Variants in ADAMTS5 observed in about 807,000 individuals in gnomAD.
ADAMTS5 encodes A disintegrin and metalloproteinase with thrombospondin motifs 5.
Under a neutral mutation model 81.4 loss-of-function variants are expected in ADAMTS5, and 54 were observed. The observed-to-expected ratio is 0.66, with a 90% CI of 0.53 to 0.83. ADAMTS5 has a LOEUF of 0.83. Among genes scored for constraint, ADAMTS5 ranks in the 40% least tolerant of loss-of-function variants. The pLI is 0.00. For missense variants in ADAMTS5, 1,194 were observed against 1,229.9 expected (o/e 0.97, Z 0.44); for synonymous variants, 532 against 508.8 (o/e 1.05, Z -0.61).
In ADAMTS5 at chr21:26,934,771, A is replaced by C; in HGVS notation, c.1406-22T>G. 4 of 1,609,466 alleles carry C rather than the reference A, an allele frequency of 2.5e-6. No individual in the cohort carries two copies. The South Asian group carries it at 4.4e-5, about 18-fold the overall frequency. ...TTACCTACAAGAATAACTGAGATTGACCACGGCTCTGTGTTTAGGTTTCAA... is the reference window on the plus strand; with the variant it reads ...TTACCTACAAGAATAACTGAGATTGCCCACGGCTCTGTGTTTAGGTTTCAA... On this transcript the variant is annotated intron_variant, in intron 3 of 7. Transcript: ENST00000284987.
In ADAMTS5 at chr21:26,930,143, G is replaced by C. The variant is rs1423582270; in HGVS notation, c.2050-82C>G. ...TTGGTCAACTAGTAAGTTCTCATTTGTGATTTTTTGAGTTTGATTGGTATG... is the reference window on the plus strand; with the variant it reads ...TTGGTCAACTAGTAAGTTCTCATTTCTGATTTTTTGAGTTTGATTGGTATG... On this transcript the variant is annotated intron_variant, in intron 6 of 7. Transcript: ENST00000284987. 2.1e-6 allele frequency: 3 copies of C among 1,408,186 alleles called. No individual in the cohort carries two copies. The East Asian group carries it at 7.0e-5, about 33-fold the overall frequency. 87.2% of individuals were successfully genotyped at this position (1,408,186 alleles called of 1,614,324 possible).
chr21:26,936,842 C>G (rs187642534), intron 3 of ADAMTS5, among the ~76,000 whole-genome samples: 1 of 152,078 alleles, frequency 6.6e-6, no homozygotes, highest in African/African-American at 2.4e-5. Flanking sequence ...CAGAACTCCA[C>G]GAAAAACATT....
In ADAMTS5 at chr21:26,943,482, C is replaced by A; in HGVS notation, c.1303G>T (p.Asp435Tyr). The change falls in exon 3 of 8, where the codon GAT becomes TAT. Residue 435 changes from aspartate to tyrosine, a missense_variant. Asp to Tyr is a radical substitution (Grantham distance 160). This residue lies in a region of ADAMTS5 where 696 missense variants were observed against 817.6 expected (regional missense o/e 0.85). Transcript: ENST00000284987. ...AGGATGGAAGACATTAAGCGCTTAT[C>A]TTCTGTGGAACCAAAGGTCTCTTCA... ...FCEETFGSTE[D>Y]KRLMSSILTS... The A allele has an allele frequency of 6.2e-7, 1 of 1,613,750 alleles. No individual in the cohort carries two copies. Among genetic ancestry groups the A allele is most frequent in the Non-Finnish European group, 8.5e-7 (1 of 1,179,776 alleles).
intron 1 of ADAMTS5, among the ~76,000 whole-genome samples, chr21:26,958,362 TAC>T (rs370868688): frequency 6.6e-6 from 1 of 151,492 alleles, no homozygotes; most frequent in Non-Finnish European, 1.5e-5. Flanking sequence ...GAAGAGCACA[TAC>T]ACACACACAC....
At chr21:26,926,280 T>C (rs939073879) in intron 7 of ADAMTS5, among the ~76,000 whole-genome samples, 1 of 152,172 alleles carries the variant, frequency 6.6e-6, no homozygotes, top group Non-Finnish European at 1.5e-5. Context: ...TAGTTGGAGA[T>C]AAATATAACA....
rs1463671094 is a variant in ADAMTS5, at chr21:26,920,308, A to G, written c.*3745T>C. The G allele has an allele frequency of 6.6e-6, 1 of 152,120 alleles. No individual in the cohort carries two copies. Among genetic ancestry groups the G allele is most frequent in the Non-Finnish European group, 1.5e-5 (1 of 67,996 alleles). The allele number at this position is 152,120 out of a possible 1,614,324, so 9.4% of individuals were successfully genotyped here. A position where few individuals can be genotyped will look rare whatever the true frequency, so the allele number is the denominator to read the frequency against. ...GATCAGACTGTGAAATCACAGAGGCAAGCTGATGTCATCAGAGGTGACTCT... is the reference window on the plus strand; with the variant it reads ...GATCAGACTGTGAAATCACAGAGGCGAGCTGATGTCATCAGAGGTGACTCT... On this transcript the variant is annotated 3_prime_UTR_variant, in exon 8 of 8. Transcript: ENST00000284987.
At chr21:26,938,505 A>G (rs924454628) in intron 3 of ADAMTS5, among the ~76,000 whole-genome samples, 1 of 152,114 alleles carries the variant, frequency 6.6e-6, no homozygotes, top group African/African-American at 2.4e-5. Context: ...TGTCTCTCAT[A>G]TTAATGATTA....
intron 1 of ADAMTS5, among the ~76,000 whole-genome samples, chr21:26,960,300 T>A (rs543868618): frequency 6.6e-6 from 1 of 152,344 alleles, no homozygotes; most frequent in African/African-American, 2.4e-5. Flanking sequence ...AACACACCTC[T>A]GATCATTGCT....
rs1201913110 is a variant in ADAMTS5, at chr21:26,943,494, C to A, written c.1291G>T (p.Gly431Cys). 1 of 1,613,682 alleles carries A rather than the reference C, an allele frequency of 6.2e-7. No individual in the cohort carries two copies. The highest frequency in any genetic ancestry group is 8.5e-7 in the Non-Finnish European group (1 of 1,179,742). Residue 431 changes from glycine (G) to cysteine (C), a missense_variant, in exon 3 of 8, where the codon GGT (glycine) becomes TGT (cysteine). This residue lies in a region of ADAMTS5 where 696 missense variants were observed against 817.6 expected (regional missense o/e 0.85). Transcript: ENST00000284987. ...DDSKFCEETF[G>C]STEDKRLMSS... is the part of the protein sequence containing the mutation. ...ATTAAGCGCTTATCTTCTGTGGAACCAAAGGTCTCTTCACAGAATTTGGAA... is the reference window on the plus strand; with the variant it reads ...ATTAAGCGCTTATCTTCTGTGGAACAAAAGGTCTCTTCACAGAATTTGGAA...
intron 3 of ADAMTS5, among the ~76,000 whole-genome samples, chr21:26,943,088 G>A (rs1235667147): frequency 1.3e-5 from 2 of 152,162 alleles, no homozygotes; most frequent in Non-Finnish European, 2.9e-5. Flanking sequence ...GTAAAAGAAG[G>A]AATAAAAGCC....
chr21:26,930,868 A>T (rs867334073), intron 6 of ADAMTS5, among the ~76,000 whole-genome samples: 1 of 152,114 alleles, frequency 6.6e-6, no homozygotes, highest in African/African-American at 2.4e-5. Context: ...ATACTTTATC[A>T]GGTTAATAGC....
intron 3 of ADAMTS5, among the ~76,000 whole-genome samples, 194 bp downstream of exon 3, chr21:26,943,186 A>G (rs1987145589): frequency 6.6e-6 from 1 of 152,202 alleles, no homozygotes; most frequent in Non-Finnish European, 1.5e-5. Flanking sequence ...CCAAAATACC[A>G]TAGCTAAAAT....
chr21:26,959,303 A>G (rs2123205809), intron 1 of ADAMTS5, among the ~76,000 whole-genome samples: 1 of 152,318 alleles, frequency 6.6e-6, no homozygotes, highest in South Asian at 2.1e-4. Context: ...CATTAACATC[A>G]GGAGTTTGGT....
chr21:26,941,348 T>C lies in ADAMTS5; in HGVS notation c.1405+2032A>G, dbSNP rs549698039. On this transcript the variant is annotated intron_variant, in intron 3 of 7. Coordinates refer to ENST00000284987, the MANE Select transcript of ADAMTS5 (RefSeq NM_007038.5). ...ATTTCTATTAAAATTATGTTCTTAGTTGTTCTCTATCATGAGCCCTTTGGA... is the reference window on the plus strand; with the variant it reads ...ATTTCTATTAAAATTATGTTCTTAGCTGTTCTCTATCATGAGCCCTTTGGA... Among the ~76,000 whole-genome samples, 3 of 151,748 alleles carry C rather than the reference T, an allele frequency of 2.0e-5. No individual in the cohort carries two copies. The South Asian group carries it at 6.3e-4, about 32-fold the overall frequency.
At chr21:26,950,221 A>G (rs1463132361) in intron 2 of ADAMTS5, among the ~76,000 whole-genome samples, 1 of 152,228 alleles carries the variant, frequency 6.6e-6, no homozygotes, top group East Asian at 1.9e-4. Context: ...TATGGATTTC[A>G]TTTGTCTAAA....
intron 4 of ADAMTS5, among the ~76,000 whole-genome samples, chr21:26,933,945 C>A (rs991013322): frequency 1.3e-5 from 2 of 152,130 alleles, no homozygotes; most frequent in African/African-American, 4.8e-5. Context: ...TGACCTGAAG[C>A]TGGACTGTGT....
At chr21:26,938,316 G>A (rs755800987) in intron 3 of ADAMTS5, among the ~76,000 whole-genome samples, 1 of 151,948 alleles carries the variant, frequency 6.6e-6, no homozygotes, top group Non-Finnish European at 1.5e-5. Flanking sequence ...TACCATTCAT[G>A]TTAAACTAAA....
intron 7 of ADAMTS5, among the ~76,000 whole-genome samples, chr21:26,926,667 TA>T (rs35848324): frequency 0.29 from 36,322 of 123,328 alleles, 4,967 homozygotes; most frequent in African/African-American, 0.37. Context: ...GACCCTGTCT[TA>T]AAAAAAAAAA....
chr21:26,941,599 G>T (rs907701850), intron 3 of ADAMTS5, among the ~76,000 whole-genome samples: 11 of 151,990 alleles, frequency 7.2e-5, no homozygotes, highest in Admixed American at 3.3e-4. Context: ...CCTAATATTT[G>T]CACAGGGAAA....
Sources: allele counts gnomAD v4.1 joint callset (sites outside exome capture counted in the v4.1 genomes callset), GRCh38; gene constraint gnomAD v4.1.1; regional missense constraint gnomAD v4.1.1; transcripts MANE v1.5; gene names NCBI Gene and HGNC (gene_info 2026-07-23, HGNC 2026-07-21).